ITPRID1: variants seen among roughly 807,000 people sequenced by gnomAD.
ITPRID1 encodes ITPR interacting domain containing 1.
Under a neutral mutation model 95.4 loss-of-function variants are expected in ITPRID1, and 96 were observed. The observed-to-expected ratio is 1.01, with a 90% confidence interval of 0.85 to 1.19. The LOEUF is 1.19. Ranked by LOEUF, ITPRID1 falls within the 50% of genes most tolerant of loss-of-function variation. The pLI is 0.00. For missense variants in ITPRID1, 1,339 were observed against 1,252.9 expected, an observed-to-expected ratio of 1.07 and a Z score of -1.04; for synonymous variants, 510 against 453.6, an observed-to-expected ratio of 1.12 and a Z score of -1.58.
chr7:31,612,039 A>T (rs1786891670), intron 10 of ITPRID1, among the ~76,000 whole-genome samples: 1 of 149,504 alleles, frequency 6.7e-6, no homozygotes, highest in South Asian at 2.1e-4. Context: ...ATTTTTATTC[A>T]TTTTTTTTCT....
chr7:31,518,337 G>A (rs1315902560), intron 1 of ITPRID1: 10 of 152,214 alleles, frequency 6.6e-5, no homozygotes, highest in Admixed American at 6.5e-4. Context: ...AGGACCGTAA[G>A]GTAATAAATG....
At chr7:31,636,435 G>T (rs1284929012) in intron 10 of ITPRID1, among the ~76,000 whole-genome samples, 1 of 152,174 alleles carries the variant, frequency 6.6e-6, no homozygotes, top group Non-Finnish European at 1.5e-5. Flanking sequence ...TTGAAAAGTT[G>T]AAATAATAAT....
chr7:31,537,573 T>TA (rs1229022627), intron 1 of ITPRID1, among the ~76,000 whole-genome samples: 1 of 152,202 alleles, frequency 6.6e-6, no homozygotes, highest in East Asian at 1.9e-4. Context: ...AATAAAATTA[T>TA]ACATTTGACA....
chr7:31,540,289 T>C (rs944765587), intron 1 of ITPRID1, among the ~76,000 whole-genome samples: 3 of 152,146 alleles, frequency 2.0e-5, no homozygotes, highest in African/African-American at 7.2e-5. Context: ...CAGTTATTAG[T>C]TGTCAGTGCC....
chr7:31,590,785 T>C (rs1785832649), intron 10 of ITPRID1, among the ~76,000 whole-genome samples: 1 of 152,248 alleles, frequency 6.6e-6, no homozygotes, highest in Non-Finnish European at 1.5e-5. Context: ...ATTTAACAAA[T>C]ACAGACACAC....
chr7:31,646,877 A>C (rs185312751), intron 12 of ITPRID1, among the ~76,000 whole-genome samples: 1 of 152,332 alleles, frequency 6.6e-6, no homozygotes, highest in Admixed American at 6.5e-5. Flanking sequence ...TTGCAATTAT[A>C]CAAAAAAAGG....
intron 10 of ITPRID1, among the ~76,000 whole-genome samples, chr7:31,601,214 G>C (rs930263511): frequency 6.6e-6 from 1 of 152,226 alleles, no homozygotes; most frequent in Non-Finnish European, 1.5e-5. Flanking sequence ...CATCCAGGGA[G>C]AGACAGATAC....
At chr7:31,599,003 C>CA (rs1786227213) in intron 10 of ITPRID1, among the ~76,000 whole-genome samples, 1 of 152,138 alleles carries the variant, frequency 6.6e-6, no homozygotes, top group Non-Finnish European at 1.5e-5. Context: ...AGCAGTCTGG[C>CA]AAAATCTAGG....
Position 31,642,712 on chromosome 7 carries a change from G to A in ITPRID1, c.1342G>A (p.Ala448Thr), listed in dbSNP as rs773647579. Residue 448 changes from alanine (A) to threonine (T), a missense_variant, in exon 12 of 15, where the codon GCT becomes ACT. Physicochemically the swap from Ala to Thr is moderately conservative, Grantham distance 58. Transcript: ENST00000615280. ...TTCCTTGCCAAACAGCCAGAGTCCTGCTGAGAATGGAGGTAGAAAGCCAAG... is the reference window on the plus strand; with the variant it reads ...TTCCTTGCCAAACAGCCAGAGTCCTACTGAGAATGGAGGTAGAAAGCCAAG... Reference protein sequence around the residue: ...MPSLPNSQSPAENGGRKPRDQ... With the variant: ...MPSLPNSQSPTENGGRKPRDQ... 6.2e-7 allele frequency: 1 copy of A among 1,613,932 alleles called. No individual in the cohort carries two copies. The highest frequency in any genetic ancestry group is 8.5e-7 in the Non-Finnish European group (1 of 1,179,874).
chr7:31,575,231 C>A (rs559199321), intron 8 of ITPRID1, among the ~76,000 whole-genome samples: 133 of 152,256 alleles, frequency 8.7e-4, no homozygotes, highest in African/African-American at 3.0e-3. Context: ...ACCCAGGAGG[C>A]AGAGAAACCA....
intron 10 of ITPRID1, among the ~76,000 whole-genome samples, chr7:31,604,104 G>C (rs116994216): frequency 5.2e-4 from 79 of 151,886 alleles, no homozygotes; most frequent in Non-Finnish European, 1.0e-3. Flanking sequence ...GTAGCCATCT[G>C]TCAGCTAAGG....
At chr7:31,628,455 TTTTTTC>T (rs1306947406) in intron 10 of ITPRID1, among the ~76,000 whole-genome samples, 24 of 149,670 alleles carry the variant, frequency 1.6e-4, no homozygotes, top group African/African-American at 5.3e-4. Context: ...TTCCTTTTTT[TTTTTTC>T]TTTTTTTTTC....
intron 10 of ITPRID1, among the ~76,000 whole-genome samples, chr7:31,638,137 G>T (rs545899901): frequency 4.6e-5 from 7 of 152,302 alleles, no homozygotes; most frequent in African/African-American, 1.4e-4. Flanking sequence ...CTTTTGAAAG[G>T]TTACTGCAAG....
chr7:31,538,128 T>C (rs938071017), intron 1 of ITPRID1, among the ~76,000 whole-genome samples: 3 of 152,220 alleles, frequency 2.0e-5, no homozygotes, highest in Non-Finnish European at 2.9e-5. Flanking sequence ...TGAAAAAATA[T>C]TTGAAGTAAA....
At chr7:31,532,084 T>G (rs1783617134) in intron 1 of ITPRID1, among the ~76,000 whole-genome samples, 2 of 152,166 alleles carry the variant, frequency 1.3e-5, no homozygotes, top group Admixed American at 1.3e-4. Context: ...GTTTCCCTAT[T>G]GGCAATCTGA....
intron 1 of ITPRID1, chr7:31,517,265 T>G (rs1783074656): frequency 6.6e-6 from 1 of 152,162 alleles, no homozygotes; most frequent in African/African-American, 2.4e-5. Flanking sequence ...ACAGCGCTGA[T>G]TAGTCCATTT....
intron 7 of ITPRID1, among the ~76,000 whole-genome samples, chr7:31,574,284 A>G (rs984930024): frequency 1.3e-5 from 2 of 151,554 alleles, no homozygotes; most frequent in Non-Finnish European, 2.9e-5. Context: ...ATAATTTACC[A>G]TGTGCCTGTT....
At chr7:31,521,904 AT>A (rs55777151) in intron 1 of ITPRID1, among the ~76,000 whole-genome samples, 25,576 of 117,834 alleles carry the variant, frequency 0.22, 2,178 homozygotes, top group Middle Eastern at 0.3. Context: ...GGCTAATTTA[AT>A]TTTTTTTTTT....
At chr7:31,521,995 C>T (rs1257161691) in intron 1 of ITPRID1, among the ~76,000 whole-genome samples, 1 of 148,692 alleles carries the variant, frequency 6.7e-6, no homozygotes, top group Non-Finnish European at 1.5e-5. Context: ...GTGACAACTT[C>T]CAAGCTCTTT....
Sources: allele counts gnomAD v4.1 joint callset (sites outside exome capture counted in the v4.1 genomes callset), GRCh38; gene constraint gnomAD v4.1.1; transcripts MANE v1.5; gene names NCBI Gene and HGNC (gene_info 2026-07-23, HGNC 2026-07-21).